NTM: variants seen among roughly 807,000 people sequenced by gnomAD.
The protein encoded by NTM is IgLON family member 2.
NTM carries 13 observed loss-of-function variants against 42.1 expected under a neutral mutation model. The ratio of observed to expected loss-of-function variants is 0.31; its 90% CI spans 0.20 to 0.49. NTM has a LOEUF of 0.49. Among genes scored for constraint, NTM ranks in the 20% least tolerant of loss-of-function variants. NTM has a pLI of 0.99. For synonymous variants in NTM, 187 were observed against 179.2 expected (o/e 1.04, Z -0.35); for missense variants, 373 against 452.8 (o/e 0.82, Z 1.60).
chr11:131,648,995 A>G (rs773036884), intron 1 of NTM, among the ~76,000 whole-genome samples: 4 of 152,202 alleles, frequency 2.6e-5, no homozygotes, highest in African/African-American at 4.8e-5. Context: ...TGAGCCTGAG[A>G]AAAAAGCAGG....
chr11:131,949,494 A>G (rs2060742163), intron 2 of NTM, among the ~76,000 whole-genome samples: 1 of 152,190 alleles, frequency 6.6e-6, no homozygotes, highest in Non-Finnish European at 1.5e-5. Flanking sequence ...CTTATTTACT[A>G]GAATAAAAAG....
intron 4 of NTM, among the ~76,000 whole-genome samples, chr11:132,293,880 A>G (rs1181896884): frequency 2.0e-5 from 3 of 152,142 alleles, no homozygotes; most frequent in African/African-American, 7.2e-5. Context: ...GTTGCTCTAG[A>G]GGCCGCTCAG....
At chr11:131,645,081 C>T (rs966559514) in intron 1 of NTM, among the ~76,000 whole-genome samples, 1 of 152,114 alleles carries the variant, frequency 6.6e-6, no homozygotes, top group South Asian at 2.1e-4. Context: ...TGACCAGACT[C>T]TAGGCCCTAT....
Position 131,719,605 on chromosome 11 carries a change from G to A in NTM, c.83-191959G>A, listed in dbSNP as rs542117238. ...TGACTTTCTGGATGGTCCTCTGGGT[G>A]TTGTAGGAACTTGACAACAAGCTGT... On this transcript the variant is annotated intron_variant, in intron 1 of 8. Transcript: ENST00000683400. Among the ~76,000 whole-genome samples, 94 of 152,268 alleles carry A rather than the reference G, an allele frequency of 6.2e-4. 1 individual carries two copies. Among genetic ancestry groups the A allele is most frequent in the African/African-American group, 2.2e-3 (91 of 41,548 alleles).
chr11:131,478,354 C>A (rs1032200585), intron 1 of NTM, among the ~76,000 whole-genome samples: 4 of 152,194 alleles, frequency 2.6e-5, no homozygotes, highest in African/African-American at 9.7e-5. Context: ...GGAATTAACT[C>A]TTCTAGAGAG....
intron 2 of NTM, among the ~76,000 whole-genome samples, chr11:131,950,960 G>A (rs1012042698): frequency 6.6e-6 from 1 of 152,080 alleles, no homozygotes; most frequent in African/African-American, 2.4e-5. Context: ...AATTATTCTT[G>A]TGTTCTGCAC....
chr11:132,003,819 T>C lies in NTM; in HGVS notation c.167+92171T>C, dbSNP rs1321847749. ...CCTGCCACTTACAGAACCAGCTTCA[T>C]TGAGATGTTGTTTAAAATTGATTTC... On this transcript the variant is annotated intron_variant, in intron 2 of 8. Transcript: ENST00000683400. The surrounding 1 kb of genome is among the most constrained non-coding windows in gnomAD (Gnocchi z 6.0). Among the ~76,000 whole-genome samples the C allele has an allele frequency of 1.3e-5, 2 of 152,152 alleles. No individual in the cohort carries two copies. Among genetic ancestry groups the C allele is most frequent in the African/African-American group, 2.4e-5 (1 of 41,424 alleles).
At chr11:131,638,059 C>T (rs1172144105) in intron 1 of NTM, among the ~76,000 whole-genome samples, 2 of 152,032 alleles carry the variant, frequency 1.3e-5, no homozygotes, top group African/African-American at 4.8e-5. Context: ...ATGTTGTGAC[C>T]ACAGTTATTT....
At chr11:131,475,198 C>A (rs1426834378) in intron 1 of NTM, among the ~76,000 whole-genome samples, 1 of 152,136 alleles carries the variant, frequency 6.6e-6, no homozygotes, top group Non-Finnish European at 1.5e-5. Flanking sequence ...GCAAACCAAG[C>A]CCAACCTTTT....
At chr11:131,928,963 C>T (rs146050825) in intron 2 of NTM, among the ~76,000 whole-genome samples, 4 of 152,358 alleles carry the variant, frequency 2.6e-5, no homozygotes, top group African/African-American at 9.6e-5. Context: ...CTTGTTTTCT[C>T]ATGTTCCCAT....
intron 1 of NTM, among the ~76,000 whole-genome samples, chr11:131,404,928 C>G (rs755471360): frequency 1.3e-5 from 2 of 152,160 alleles, no homozygotes; most frequent in East Asian, 1.9e-4. Flanking sequence ...AGAAAGGGAA[C>G]AGCAGGGTGT....
chr11:131,844,241 T>C (rs1412849849), intron 1 of NTM, among the ~76,000 whole-genome samples: 1 of 152,214 alleles, frequency 6.6e-6, no homozygotes, highest in Non-Finnish European at 1.5e-5. Flanking sequence ...GGAGCATTTG[T>C]TGATTACAGG....
rs568748932 is a variant in NTM, at chr11:132,135,548, G to A, written c.168-10734G>A. On this transcript the variant is annotated intron_variant, in intron 2 of 8. Transcript: ENST00000683400. ...AGGGCAAGAAGCCAAGTGGAGGCTC[G>A]ATTTTAGGCAAAGACCCACCAGGGT... is the stretch of plus-strand genomic sequence containing the variant. Among the ~76,000 whole-genome samples the A allele has an allele frequency of 2.8e-3, 429 of 152,288 alleles. 1 individual carries two copies. Among genetic ancestry groups the A allele is most frequent in the Non-Finnish European group, 4.8e-3 (326 of 68,014 alleles).
intron 1 of NTM, chr11:131,535,668 C>T (rs1231685766): frequency 6.6e-6 from 1 of 152,194 alleles, no homozygotes; most frequent in Non-Finnish European, 1.5e-5. Context: ...CTTAGCATGC[C>T]ACATGCTCTG....
At chr11:131,889,558 T>C (rs1395899616) in intron 1 of NTM, among the ~76,000 whole-genome samples, 1 of 152,210 alleles carries the variant, frequency 6.6e-6, no homozygotes, top group Non-Finnish European at 1.5e-5. Flanking sequence ...TAGAAGGTCC[T>C]CAAGGGAAAA....
intron 1 of NTM, among the ~76,000 whole-genome samples, chr11:131,755,560 T>G (rs935791491): frequency 3.3e-5 from 5 of 152,238 alleles, no homozygotes; most frequent in African/African-American, 1.2e-4. Flanking sequence ...ATATTTTTAT[T>G]AAAATATTTA....
At chr11:131,610,867 C>T (rs550484985) in intron 1 of NTM, among the ~76,000 whole-genome samples, 2 of 152,220 alleles carry the variant, frequency 1.3e-5, no homozygotes, top group South Asian at 4.1e-4. Context: ...TTGATCCTGA[C>T]ATCAGTGGAG....
intron 2 of NTM, among the ~76,000 whole-genome samples, chr11:132,081,991 A>C (rs1303718289): frequency 6.7e-6 from 1 of 149,194 alleles, no homozygotes; most frequent in Non-Finnish European, 1.5e-5. Flanking sequence ...AATTGCTGGC[A>C]CAGAGAATAT....
chr11:131,887,267 CA>C (rs1330671051), intron 1 of NTM, among the ~76,000 whole-genome samples: 2 of 152,202 alleles, frequency 1.3e-5, no homozygotes, highest in Non-Finnish European at 2.9e-5. Flanking sequence ...TGAATATATA[CA>C]GTTTTATTTG....
Sources: gnomAD v4.1 joint callset for allele counts (sites outside exome capture counted in the v4.1 genomes callset) on GRCh38, gnomAD v4.1.1 for gene constraint, Gnocchi (gnomAD v3.1) non-coding constraint, MANE v1.5 for transcripts, NCBI Gene and HGNC (gene_info 2026-07-23, HGNC 2026-07-21) for gene names.